BARD1: variants seen among roughly 807,000 people sequenced by gnomAD.
BARD1 encodes BRCA1-associated RING domain protein 1.
In BARD1, 73 loss-of-function variants were observed where a neutral mutation model predicts 77.0. The ratio of observed to expected loss-of-function variants is 0.95; its 90% CI spans 0.79 to 1.15. The LOEUF is 1.15. Among genes scored for constraint, BARD1 ranks in the 50% most tolerant of loss-of-function variants. The pLI is 0.00. For synonymous variants in BARD1, 384 were observed against 338.0 expected, an observed-to-expected ratio of 1.14 and a Z score of -1.49; for missense variants, 993 against 938.8, an observed-to-expected ratio of 1.06 and a Z score of -0.75.
At chr2:214,808,410 A>G (rs1696378614) in intron 1 of BARD1, among the ~76,000 whole-genome samples, 2 of 152,266 alleles carry the variant, frequency 1.3e-5, no homozygotes. Context: ...CTCCGTCTCA[A>G]AAAAGGAAAG....
chr2:214,793,920 A>G (rs766318547), intron 2 of BARD1, among the ~76,000 whole-genome samples: 2 of 152,262 alleles, frequency 1.3e-5, no homozygotes, highest in African/African-American at 2.4e-5. Context: ...ATTTATTGAT[A>G]TAGTTTCAGA....
intron 2 of BARD1, among the ~76,000 whole-genome samples, chr2:214,794,686 C>A (rs1695680276): frequency 6.6e-6 from 1 of 152,128 alleles, no homozygotes; most frequent in Non-Finnish European, 1.5e-5. Flanking sequence ...TTGAGCACCC[C>A]TGCCACATGT....
chr2:214,757,109 C>G (rs1198274892), intron 6 of BARD1, among the ~76,000 whole-genome samples: 1 of 152,116 alleles, frequency 6.6e-6, no homozygotes, highest in East Asian at 1.9e-4. Context: ...TCCTGAGGCC[C>G]TTCCTGTATA....
At chr2:214,754,319 G>T (rs6744446) in intron 6 of BARD1, among the ~76,000 whole-genome samples, 73,682 of 150,470 alleles carry the variant, frequency 0.49, 18,313 homozygotes, top group Non-Finnish European at 0.52. Flanking sequence ...TCCAGCCTGA[G>T]CAAGAGATAC....
chr2:214,749,195 A>T (rs1220762153), intron 7 of BARD1, among the ~76,000 whole-genome samples: 1 of 151,946 alleles, frequency 6.6e-6, no homozygotes, highest in African/African-American at 2.4e-5. Context: ...AAAAAAAAAA[A>T]AAACTAAACA....
chr2:214,785,957 A>G (rs1054706829), intron 3 of BARD1, among the ~76,000 whole-genome samples: 2 of 151,974 alleles, frequency 1.3e-5, no homozygotes, highest in African/African-American at 2.4e-5. Flanking sequence ...AAAGAGAGAA[A>G]AAGAAACTAC....
At chr2:214,801,946 A>C (rs1315228264) in intron 1 of BARD1, among the ~76,000 whole-genome samples, 1 of 151,412 alleles carries the variant, frequency 6.6e-6, no homozygotes, top group African/African-American at 2.4e-5. Flanking sequence ...TGAGCTTTGA[A>C]CTCCTGAGCT....
At chr2:214,787,304 A>G (rs1445279273) in intron 3 of BARD1, among the ~76,000 whole-genome samples, 1 of 151,950 alleles carries the variant, frequency 6.6e-6, no homozygotes, top group African/African-American at 2.4e-5. Flanking sequence ...GTAAATGAAG[A>G]TAATATACTC....
intron 7 of BARD1, among the ~76,000 whole-genome samples, chr2:214,751,177 T>TTG (rs1693432872): frequency 8.5e-6 from 1 of 117,718 alleles, no homozygotes; most frequent in Non-Finnish European, 1.7e-5. Flanking sequence ...TTTTTTTTTT[T>TTG]GAGACAGTCT....
rs1048171 is a variant in BARD1, at chr2:214,725,885, G to C, written c.*2791C>G. On this transcript the variant is annotated 3_prime_UTR_variant, in exon 11 of 11. Transcript: ENST00000260947. ...CATGAACGTTTAGAATATGATTAAT[G>C]CATTTTCCACACTGACCCATGGAAA... The C allele has an allele frequency of 0.37, 82,486 of 223,900 alleles. 16,113 individuals are homozygous for C. Among genetic ancestry groups the C allele is most frequent in the East Asian group, 0.54 (8,462 of 15,534 alleles). 13.9% of individuals were successfully genotyped at this position (223,900 alleles called of 1,614,324 possible). A position where few individuals can be genotyped will look rare whatever the true frequency, so the allele number is the denominator to read the frequency against.
At chr2:214,778,101 CAGA>C (rs1426073972) in intron 4 of BARD1, among the ~76,000 whole-genome samples, 3 of 152,196 alleles carry the variant, frequency 2.0e-5, no homozygotes, top group African/African-American at 7.2e-5. Context: ...GAAGCTGAAG[CAGA>C]AGGATTGCTT....
At chr2:214,789,705 A>G (rs1264513181) in intron 3 of BARD1, among the ~76,000 whole-genome samples, 1 of 152,154 alleles carries the variant, frequency 6.6e-6, no homozygotes, top group Non-Finnish European at 1.5e-5. Context: ...AATTTACAAC[A>G]CAACTGCCCT....
intron 6 of BARD1, among the ~76,000 whole-genome samples, chr2:214,757,458 T>C (rs1693746210): frequency 6.6e-6 from 1 of 152,182 alleles, no homozygotes; most frequent in Non-Finnish European, 1.5e-5. Context: ...TTTTGCTATC[T>C]AAAATGTAGT....
chr2:214,757,763 AG>A (rs911116972), intron 6 of BARD1, among the ~76,000 whole-genome samples: 1 of 152,186 alleles, frequency 6.6e-6, no homozygotes, highest in Non-Finnish European at 1.5e-5. Flanking sequence ...AACTCAGAGG[AG>A]GAAAGCAGAG....
At position 214,735,095 on chromosome 2, in the gene BARD1, T is replaced by G. The variant is rs79346289; in HGVS notation, c.1904-4587A>C. Reference sequence around the variant, plus strand: ...ACATTATTTATTGTATACTGTTGACTCATTAAGATTAAACTTAGGGCCAGC... The same window carrying G: ...ACATTATTTATTGTATACTGTTGACGCATTAAGATTAAACTTAGGGCCAGC... On this transcript the variant is annotated intron_variant, in intron 9 of 10. Coordinates refer to ENST00000260947, the MANE Select transcript of BARD1 (RefSeq NM_000465.4). Among the ~76,000 whole-genome samples the G allele has an allele frequency of 1.4e-3, 209 of 152,316 alleles. 1 individual carries two copies. The highest frequency in any genetic ancestry group is 4.7e-3 in the African/African-American group (194 of 41,584).
chr2:214,749,334 G>T (rs1693292844), intron 7 of BARD1, among the ~76,000 whole-genome samples: 1 of 152,118 alleles, frequency 6.6e-6, no homozygotes, highest in Non-Finnish European at 1.5e-5. Context: ...TATTCCAGAG[G>T]TTCCATCTTT....
Position 214,809,529 on chromosome 2 carries a change from A to ATCCTCGGCTGCCGGT in BARD1, c.26_40dup (p.Asn9_Arg13dup), listed in dbSNP as rs587781979. The ATCCTCGGCTGCCGGT allele has an allele frequency of 1.4e-5, 22 of 1,585,826 alleles. No individual in the cohort carries two copies. Among genetic ancestry groups the ATCCTCGGCTGCCGGT allele is most frequent in the East Asian group, 2.3e-5 (1 of 43,488 alleles). On this transcript the variant is annotated inframe_insertion, in exon 1 of 11. Transcript: ENST00000260947. Reference sequence around the variant, plus strand: ...GGAACGAGGCTCGTTCCCGGAGCGGATCCTCGGCTGCCGGTTCCTCGGCTG... The same window carrying ATCCTCGGCTGCCGGT: ...GGAACGAGGCTCGTTCCCGGAGCGGATCCTCGGCTGCCGGTTCCTCGGCTGCCGGTTCCTCGGCTG...
chr2:214,749,983 A>T (rs1693329117), intron 7 of BARD1, among the ~76,000 whole-genome samples: 2 of 152,150 alleles, frequency 1.3e-5, no homozygotes, highest in South Asian at 4.1e-4. Context: ...ATATGAAAGC[A>T]ACTAGCTCAT....
chr2:214,783,798 G>C (rs1037679543), intron 3 of BARD1, among the ~76,000 whole-genome samples: 1 of 152,044 alleles, frequency 6.6e-6, no homozygotes, highest in Non-Finnish European at 1.5e-5. Context: ...AATGATGTTG[G>C]GAAAACTGGC....
Sources: allele counts gnomAD v4.1 joint callset (sites outside exome capture counted in the v4.1 genomes callset), GRCh38; gene constraint gnomAD v4.1.1; transcripts MANE v1.5; gene names NCBI Gene and HGNC (gene_info 2026-07-23, HGNC 2026-07-21).